The following NCK1 variants were observed in gnomAD, a reference collection of about 807,000 sequenced individuals.
NCK1 encodes the protein NCK adaptor protein 1.
Under a neutral mutation model 36.6 loss-of-function variants are expected in NCK1, and 19 were observed. The ratio of observed to expected loss-of-function variants is 0.52; its 90% CI spans 0.36 to 0.76. NCK1 has a LOEUF of 0.76. Among genes scored for constraint, NCK1 ranks in the 30% least tolerant of loss-of-function variants. NCK1 has a pLI of 0.00. For missense variants in NCK1, 358 were observed against 445.6 expected (o/e 0.80, Z 1.77); for synonymous variants, 165 against 156.0 (o/e 1.06, Z -0.43).
At chr3:136,944,116 T>TTTTTTTTTTTTTTTTG (rs1940747857) in intron 2 of NCK1, among the ~76,000 whole-genome samples, 1 of 53,336 alleles carries the variant, frequency 1.9e-5, no homozygotes, top group African/African-American at 4.1e-5. Flanking sequence ...AACAACCTTT[T>TTTTTTTTTTTTTTTTG]TTTTTTTTTT....
chr3:136,881,026 CAGT>C (rs1260807470), intron 1 of NCK1, among the ~76,000 whole-genome samples: 2 of 152,152 alleles, frequency 1.3e-5, no homozygotes, highest in Non-Finnish European at 2.9e-5. Context: ...GCCATCCACT[CAGT>C]AGCTAGAAGC....
At chr3:136,891,290 A>G (rs1245484385) in intron 1 of NCK1, among the ~76,000 whole-genome samples, 3 of 151,786 alleles carry the variant, frequency 2.0e-5, no homozygotes, top group African/African-American at 7.3e-5. Flanking sequence ...ATGGGCCACC[A>G]TGCCTGGTTA....
intron 1 of NCK1, among the ~76,000 whole-genome samples, chr3:136,869,884 C>G (rs1467618352): frequency 6.6e-6 from 1 of 152,026 alleles, no homozygotes; most frequent in African/African-American, 2.4e-5. Flanking sequence ...TCTCTTGTTT[C>G]TATTCCTGAA....
intron 1 of NCK1, among the ~76,000 whole-genome samples, chr3:136,880,201 C>T (rs1428021148): frequency 6.6e-6 from 1 of 151,486 alleles, no homozygotes; most frequent in Non-Finnish European, 1.5e-5. Flanking sequence ...AGGAGAATGG[C>T]GTGAACCCGG....
At chr3:136,917,098 A>G (rs1481300754) in intron 1 of NCK1, among the ~76,000 whole-genome samples, 1 of 152,224 alleles carries the variant, frequency 6.6e-6, no homozygotes, top group Non-Finnish European at 1.5e-5. Flanking sequence ...AATGTGGAGC[A>G]TTGGTTCAGT....
At chr3:136,887,681 G>A (rs1026100917) in intron 1 of NCK1, among the ~76,000 whole-genome samples, 2 of 152,130 alleles carry the variant, frequency 1.3e-5, no homozygotes, top group African/African-American at 4.8e-5. Flanking sequence ...CATAAAATTG[G>A]TGGTAGAATT....
At chr3:136,939,548 A>G (rs1479041851) in intron 2 of NCK1, among the ~76,000 whole-genome samples, 1 of 151,862 alleles carries the variant, frequency 6.6e-6, no homozygotes, top group Non-Finnish European at 1.5e-5. Context: ...TAAGTTGGTA[A>G]TTCGAGATCT....
At position 136,948,320 on chromosome 3, in the gene NCK1, T is replaced by G; in HGVS notation, c.1001T>G (p.Leu334Arg). 3 of 1,611,622 alleles carry G rather than the reference T, an allele frequency of 1.9e-6. No homozygotes were observed. The highest frequency in any genetic ancestry group is 2.5e-6 in the Non-Finnish European group (3 of 1,178,656). Residue 334 changes from leucine (L) to arginine (R), a missense_variant, in exon 4 of 4, where the codon CTA (leucine) becomes CGA (arginine). Leu to Arg is a moderately radical substitution (Grantham distance 102, BLOSUM62 -2). Around this residue, in one of 3 missense-constraint regions of NCK1, gnomAD observed 207 missense variants for 253.4 expected, o/e 0.82. Transcript: ENST00000481752. ...AAAAACAAGCATTTTAAAGTCCAACTAAAAGAGACTGTCTACTGCATTGGG... is the reference window on the plus strand; with the variant it reads ...AAAAACAAGCATTTTAAAGTCCAACGAAAAGAGACTGTCTACTGCATTGGG... ...QGKNKHFKVQ[L>R]KETVYCIGQR...
At chr3:136,882,512 A>G (rs758818693) in intron 1 of NCK1, among the ~76,000 whole-genome samples, 52 of 151,966 alleles carry the variant, frequency 3.4e-4, no homozygotes, top group Non-Finnish European at 7.4e-4. Flanking sequence ...TTGGCAGCAT[A>G]ATACAATGAA....
rs990154157 is a variant in NCK1, at chr3:136,948,317, A to G, written c.998A>G (p.Gln333Arg). ...GGGAAAAACAAGCATTTTAAAGTCC[A>G]ACTAAAAGAGACTGTCTACTGCATT... ...AQGKNKHFKV[Q>R]LKETVYCIGQ... is the part of the protein sequence containing the mutation. The change falls in exon 4 of 4, where the codon CAA becomes CGA. Residue 333 changes from glutamine (Q) to arginine (R), a missense_variant. Around this residue, in one of 3 missense-constraint regions of NCK1, gnomAD observed 207 missense variants for 253.4 expected, o/e 0.82. Transcript: ENST00000481752. 3 of 1,611,352 alleles carry G rather than the reference A, an allele frequency of 1.9e-6. No homozygotes were observed. Among genetic ancestry groups the G allele is most frequent in the Non-Finnish European group, 2.5e-6 (3 of 1,178,508 alleles).
intron 1 of NCK1, among the ~76,000 whole-genome samples, chr3:136,868,464 A>G (rs1205467942): frequency 1.3e-5 from 2 of 151,710 alleles, no homozygotes; most frequent in Non-Finnish European, 2.9e-5. Context: ...AGTAGCTGGA[A>G]TTACAGGTGC....
At position 136,913,100 on chromosome 3, in the gene NCK1, T is replaced by G. The variant is rs183303893; in HGVS notation, c.-18-14884T>G. 2.9e-4 allele frequency among the ~76,000 whole-genome samples: 44 copies of G among 152,268 alleles called. No individual in the cohort carries two copies. In the Middle Eastern group the frequency reaches 0.01, roughly 35 times the overall value. Reference sequence around the variant, plus strand: ...GTCTTTGTCTATTAGGCCCGTCTTCTGATCTTTCTCTGGGAAGGTTTCTGT... The same window carrying G: ...GTCTTTGTCTATTAGGCCCGTCTTCGGATCTTTCTCTGGGAAGGTTTCTGT... On this transcript the variant is annotated intron_variant, in intron 1 of 3. Transcript: ENST00000481752.
intron 1 of NCK1, among the ~76,000 whole-genome samples, chr3:136,864,761 CTTTTTT>C (rs747974189): frequency 9.2e-6 from 1 of 108,620 alleles, no homozygotes. Context: ...TTTTTCTTTT[CTTTTTT>C]TTTTTTTTTT....
At chr3:136,919,187 G>A (rs1371516031) in intron 1 of NCK1, among the ~76,000 whole-genome samples, 2 of 152,158 alleles carry the variant, frequency 1.3e-5, no homozygotes, top group Non-Finnish European at 2.9e-5. Flanking sequence ...AATGGTTGGG[G>A]ATGGGTTTGA....
intron 1 of NCK1, among the ~76,000 whole-genome samples, chr3:136,923,439 C>T (rs1560048154): frequency 1.3e-5 from 2 of 151,980 alleles, no homozygotes; most frequent in South Asian, 2.1e-4. Context: ...ACCTGTAGTC[C>T]CGGCTACTCG....
rs186888698 is a variant in NCK1, at chr3:136,941,044, T to C, written c.227-4539T>C. On this transcript the variant is annotated intron_variant, in intron 2 of 3. Coordinates refer to ENST00000481752, the MANE Select transcript of NCK1 (RefSeq NM_001291999.2). Reference sequence around the variant, plus strand: ...ATATCTGATAAGGAAGGATTTCTGCTATTTTGCTGTTTTCATTTACTTTTT... The same window carrying C: ...ATATCTGATAAGGAAGGATTTCTGCCATTTTGCTGTTTTCATTTACTTTTT... Among the ~76,000 whole-genome samples, 7 of 152,200 alleles carry C rather than the reference T, an allele frequency of 4.6e-5. No individual in the cohort carries two copies. In the East Asian group the frequency reaches 1.4e-3, roughly 29 times the overall value.
At chr3:136,907,305 G>C (rs1369490392) in intron 1 of NCK1, among the ~76,000 whole-genome samples, 2 of 152,158 alleles carry the variant, frequency 1.3e-5, no homozygotes, top group Admixed American at 1.3e-4. Flanking sequence ...GGTCTCCAGG[G>C]ATGTGGAGAT....
chr3:136,890,996 T>C (rs13077864), intron 1 of NCK1, among the ~76,000 whole-genome samples: 29,370 of 152,222 alleles, frequency 0.19, 3,019 homozygotes, highest in Middle Eastern at 0.24. Context: ...ATATTTGTCC[T>C]TTATGACTGG....
intron 2 of NCK1, among the ~76,000 whole-genome samples, chr3:136,934,066 AC>A (rs1050503027): frequency 3.3e-5 from 5 of 152,212 alleles, no homozygotes; most frequent in Non-Finnish European, 5.9e-5. Context: ...GAAAATAGTA[AC>A]CACCATTGAT....
Sources: gnomAD v4.1 joint callset for allele counts (sites outside exome capture counted in the v4.1 genomes callset) on GRCh38, gnomAD v4.1.1 for gene constraint, gnomAD v4.1.1 regional missense constraint, MANE v1.5 for transcripts, NCBI Gene and HGNC (gene_info 2026-07-23, HGNC 2026-07-21) for gene names.